GABRB1: variants seen among roughly 807,000 people sequenced by gnomAD.
GABRB1 encodes gamma-aminobutyric acid type A receptor subunit beta1, also known as gamma-aminobutyric acid receptor subunit beta-1.
GABRB1 carries 17 observed loss-of-function variants against 51.6 expected under a neutral mutation model. The observed-to-expected ratio is 0.33, with a 90% CI of 0.23 to 0.49. The LOEUF (loss-of-function observed/expected upper bound fraction) is 0.49, where lower values mean the gene tolerates loss of function less well. Ranked by LOEUF, GABRB1 falls within the 20% of genes least tolerant of loss-of-function variation. The probability of loss-of-function intolerance (pLI) is 0.99; values close to 1 mark genes in which losing one functional copy is unlikely to be tolerated. For missense variants in GABRB1, 410 were observed against 600.6 expected (o/e 0.68, Z 3.32); for synonymous variants, 247 against 218.9 (o/e 1.13, Z -1.14).
chr4:47,424,668 C>T (rs187555638), intron 8 of GABRB1, among the ~76,000 whole-genome samples: 3 of 152,328 alleles, frequency 2.0e-5, no homozygotes, highest in Admixed American at 6.5e-5. Context: ...CATGTTAGCA[C>T]AGCTCCCTCT....
At chr4:47,071,339 C>T (rs1727325750) in intron 3 of GABRB1, among the ~76,000 whole-genome samples, 1 of 152,162 alleles carries the variant, frequency 6.6e-6, no homozygotes, top group South Asian at 2.1e-4. Flanking sequence ...AGATCATGTT[C>T]CTCCTTTGCT....
intron 1 of GABRB1, among the ~76,000 whole-genome samples, chr4:47,020,869 T>C (rs1724912645): frequency 6.6e-6 from 1 of 152,204 alleles, no homozygotes; most frequent in African/African-American, 2.4e-5. Context: ...GCTTCAACTC[T>C]CTGACTCACC....
chr4:47,104,112 T>C (rs914888730), intron 3 of GABRB1, among the ~76,000 whole-genome samples: 1 of 151,842 alleles, frequency 6.6e-6, no homozygotes, highest in Non-Finnish European at 1.5e-5. Flanking sequence ...GCACTTAGGT[T>C]TCTATGAAGA....
intron 1 of GABRB1, among the ~76,000 whole-genome samples, chr4:47,019,214 C>T (rs1231290539): frequency 6.6e-6 from 1 of 152,078 alleles, no homozygotes; most frequent in Admixed American, 6.6e-5. Context: ...AGATGCTCGG[C>T]CCTTTTCCTA....
At position 47,009,154 on chromosome 4, in the gene GABRB1, G is replaced by A. The variant is rs930449512; in HGVS notation, c.-20+15228G>A. Among the ~76,000 whole-genome samples, 6 of 149,752 alleles carry A rather than the reference G, an allele frequency of 4.0e-5. No homozygotes were observed. In the South Asian group the frequency reaches 8.4e-4, roughly 21 times the overall value. On this transcript the variant is annotated intron_variant, in intron 1 of 3. Coordinates refer to the GABRB1 transcript ENST00000513567. ...GCTGGGATTACAGGCATGAGCCACC[G>A]CGCCCGGCCAGATACTACATTTTGT...
intron 5 of GABRB1, among the ~76,000 whole-genome samples, chr4:47,337,920 G>A (rs771410947): frequency 6.6e-5 from 10 of 151,668 alleles, no homozygotes; most frequent in Non-Finnish European, 5.9e-5. Context: ...ATAAATGGGG[G>A]TAACAACTGT....
intron 4 of GABRB1, among the ~76,000 whole-genome samples, chr4:47,304,093 G>A (rs1488621921): frequency 6.6e-6 from 1 of 151,908 alleles, no homozygotes; most frequent in East Asian, 1.9e-4. Flanking sequence ...CCATATCCTT[G>A]CAATGAACAT....
At chr4:47,064,625 C>T (rs1207467330) in intron 3 of GABRB1, among the ~76,000 whole-genome samples, 6 of 111,756 alleles carry the variant, frequency 5.4e-5, no homozygotes, top group Admixed American at 1.4e-4. Flanking sequence ...GAAATAAGAG[C>T]GAGGAGACTC....
In GABRB1 at chr4:47,339,713, C is replaced by T. The variant is rs150742779; in HGVS notation, c.544+19504C>T. On this transcript the variant is annotated intron_variant, in intron 5 of 8. Transcript: ENST00000295454. ...CCAAATACATACAGTTAGAAAGTGG[C>T]GAAGCCCAGACTACATTATGGGCTA... 2.6e-5 allele frequency among the ~76,000 whole-genome samples: 4 copies of T among 152,050 alleles called. No homozygotes were observed. The East Asian group carries it at 7.7e-4, about 29-fold the overall frequency.
At chr4:47,386,041 A>G in intron 5 of GABRB1, among the ~76,000 whole-genome samples, 1 of 152,226 alleles carries the variant, frequency 6.6e-6, no homozygotes. Flanking sequence ...GTCTTTGAAC[A>G]TTAGTGGGTT....
At position 47,353,945 on chromosome 4, in the gene GABRB1, AAC is replaced by A. The variant is rs139163175; in HGVS notation, c.544+33750_544+33751del. 2.0e-5 allele frequency among the ~76,000 whole-genome samples: 3 copies of A among 151,374 alleles called. No homozygotes were observed. In the South Asian group the frequency reaches 6.3e-4, roughly 32 times the overall value. ...CCCTGCCAACATACACACACACACA[AAC>A]ACACACACACACATTTATCTCCCAA... On this transcript the variant is annotated intron_variant, in intron 5 of 8. Coordinates refer to ENST00000295454, the MANE Select transcript of GABRB1 (RefSeq NM_000812.4).
chr4:47,319,591 G>A (rs1725003239), intron 4 of GABRB1, among the ~76,000 whole-genome samples: 1 of 152,152 alleles, frequency 6.6e-6, no homozygotes. Context: ...TCATTTGCTA[G>A]TATTTTATTG....
intron 1 of GABRB1, among the ~76,000 whole-genome samples, chr4:47,025,881 GT>G (rs797015426): frequency 1.3e-5 from 2 of 151,174 alleles, no homozygotes; most frequent in African/African-American, 2.4e-5. Context: ...TACTACTTCC[GT>G]TTTTTTTGTA....
At chr4:47,218,876 T>C (rs752733721) in intron 4 of GABRB1, among the ~76,000 whole-genome samples, 2 of 151,856 alleles carry the variant, frequency 1.3e-5, no homozygotes, top group Non-Finnish European at 2.9e-5. Context: ...CCTGAAATAA[T>C]ATGTGGTTTC....
At chr4:47,022,245 T>G (rs1439133639) in intron 1 of GABRB1, among the ~76,000 whole-genome samples, 1 of 152,122 alleles carries the variant, frequency 6.6e-6, no homozygotes, top group Admixed American at 6.6e-5. Flanking sequence ...TATGTATTTC[T>G]TGCTAAAAGG....
chr4:47,336,241 T>C (rs145548687), intron 5 of GABRB1, among the ~76,000 whole-genome samples: 2 of 152,344 alleles, frequency 1.3e-5, no homozygotes, highest in East Asian at 3.9e-4. Flanking sequence ...CATGATCTTG[T>C]AGATATATTT....
chr4:47,153,063 C>T (rs749259697), intron 3 of GABRB1, among the ~76,000 whole-genome samples: 9 of 151,938 alleles, frequency 5.9e-5, no homozygotes, highest in African/African-American at 2.2e-4. Context: ...GCTGGTTACA[C>T]AGGTGATGGA....
chr4:47,184,964 A>G (rs1719112323), intron 4 of GABRB1, among the ~76,000 whole-genome samples: 1 of 151,786 alleles, frequency 6.6e-6, no homozygotes. Context: ...TTGCTATACC[A>G]TGGTTATGTG....
intron 4 of GABRB1, among the ~76,000 whole-genome samples, chr4:47,186,158 T>A (rs928505007): frequency 2.0e-5 from 3 of 151,118 alleles, no homozygotes; most frequent in African/African-American, 7.3e-5. Flanking sequence ...ACAAATAGAA[T>A]TTCGATGAAC....
Sources: allele counts gnomAD v4.1 joint callset (sites outside exome capture counted in the v4.1 genomes callset), GRCh38; gene constraint gnomAD v4.1.1; transcripts MANE v1.5; gene names NCBI Gene and HGNC (gene_info 2026-07-23, HGNC 2026-07-21).